Variants in SH3BP2 observed in about 807,000 individuals in gnomAD.
The protein encoded by SH3BP2 is SH3 domain-binding protein 2.
Under a neutral mutation model 56.2 loss-of-function variants are expected in SH3BP2, and 38 were observed. The observed-to-expected ratio is 0.68, with a 90% CI of 0.52 to 0.89. SH3BP2 has a LOEUF of 0.89. SH3BP2 is among the 40% of genes least tolerant of loss of function. SH3BP2 has a pLI of 0.00. For synonymous variants in SH3BP2, 346 were observed against 316.7 expected, an observed-to-expected ratio of 1.09 and a Z score of -0.98; for missense variants, 748 against 762.6, an observed-to-expected ratio of 0.98 and a Z score of 0.23.
chr4:2,820,744 C>G lies in SH3BP2; in HGVS notation c.127C>G (p.Leu43Val), dbSNP rs368574144. 2.2e-5 allele frequency: 35 copies of G among 1,613,440 alleles called. No homozygotes were observed. Among genetic ancestry groups the G allele is most frequent in the Non-Finnish European group, 3.0e-5 (35 of 1,179,636 alleles). Reference sequence around the variant, plus strand: ...CAAGAAGGGCGGTACCCAGCTGCAGCTGCTGAAATGTGAGTCCCTGGGGTG... The same window carrying G: ...CAAGAAGGGCGGTACCCAGCTGCAGGTGCTGAAATGTGAGTCCCTGGGGTG... ...LHKKGGTQLQ[L>V]LKWPLRFVII... The change falls in exon 2 of 13, where the codon CTG becomes GTG. Residue 43 changes from leucine to valine, a missense_variant. Coordinates refer to ENST00000503393, the MANE Select transcript of SH3BP2 (RefSeq NM_001122681.2).
At position 2,831,524 on chromosome 4, in the gene SH3BP2, G is replaced by A. The variant is rs1314107621; in HGVS notation, c.1242-47G>A. The A allele has an allele frequency of 2.7e-5, 39 of 1,446,312 alleles. No individual in the cohort carries two copies. The highest frequency in any genetic ancestry group is 3.9e-5 in the Admixed American group (2 of 51,000). 89.6% of individuals were successfully genotyped at this position (1,446,312 alleles called of 1,614,324 possible). Reference sequence around the variant, plus strand: ...GAGGGGAGCAGAGGGTGGCCGCCCCGTGTCTGACAGTGAAATGGTCCTGCC... The same window carrying A: ...GAGGGGAGCAGAGGGTGGCCGCCCCATGTCTGACAGTGAAATGGTCCTGCC... On this transcript the variant is annotated intron_variant, in intron 8 of 12. Coordinates refer to ENST00000503393, the MANE Select transcript of SH3BP2 (RefSeq NM_001122681.2). The surrounding 1 kb of genome is among the most constrained non-coding windows in gnomAD (Gnocchi z 4.1).
intron 1 of SH3BP2, among the ~76,000 whole-genome samples, chr4:2,819,570 A>G (rs568563878): frequency 6.6e-6 from 1 of 152,288 alleles, no homozygotes; most frequent in East Asian, 1.9e-4. Context: ...GCCTGCTCCC[A>G]TCCAACTCCA....
intron 7 of SH3BP2, among the ~76,000 whole-genome samples, chr4:2,828,825 G>A (rs1356651554): frequency 6.6e-6 from 1 of 152,142 alleles, no homozygotes; most frequent in Non-Finnish European, 1.5e-5. Context: ...CACCAGCCTG[G>A]CGCCTGCCCT....
At chr4:2,803,047 A>G (rs1723376006) in intron 1 of SH3BP2, among the ~76,000 whole-genome samples, 1 of 152,236 alleles carries the variant, frequency 6.6e-6, no homozygotes, top group Non-Finnish European at 1.5e-5. Context: ...CAGGAGCTGC[A>G]TGGTTTTGTG....
At chr4:2,824,757 A>G in intron 4 of SH3BP2, 27 bp downstream of exon 4, 2 of 1,532,572 alleles carry the variant, frequency 1.3e-6, no homozygotes, top group East Asian at 2.2e-5. Context: ...GGACGAGTGC[A>G]AGGTGACTGG....
Position 2,802,404 on chromosome 4 carries a change from ATGTGTGTG to A in SH3BP2, c.-5+9298_-5+9305del, listed in dbSNP as rs1175501543. ...GTGAGACTCTGTCTCAAAAAAATAT[ATGTGTGTG>A]TGTGTGTGTGTGTGTGTGTGTGTGT... On this transcript the variant is annotated intron_variant, in intron 1 of 12. Coordinates refer to ENST00000503393, the MANE Select transcript of SH3BP2 (RefSeq NM_001122681.2). Among the ~76,000 whole-genome samples, 605 of 135,970 alleles carry A rather than the reference ATGTGTGTG, an allele frequency of 4.4e-3. 3 individuals carry two copies. The highest frequency in any genetic ancestry group is 0.014 in the African/African-American group (503 of 34,944). 89.2% of individuals were successfully genotyped at this position (135,970 alleles called of 152,430 possible). A position where few individuals can be genotyped will look rare whatever the true frequency, so the allele number is the denominator to read the frequency against.
chr4:2,818,434 C>G (rs1724111525), intron 1 of SH3BP2: 2 of 1,082,922 alleles, frequency 1.8e-6, no homozygotes, highest in East Asian at 7.5e-5. Flanking sequence ...ACCCGGGCCG[C>G]GAGCTTCCGG....
chr4:2,815,401 C>T (rs1174941796), intron 1 of SH3BP2, among the ~76,000 whole-genome samples: 2 of 152,190 alleles, frequency 1.3e-5, no homozygotes, highest in East Asian at 3.8e-4. Context: ...ATGACCTGTC[C>T]CCCTGCCCAG....
In SH3BP2 at chr4:2,836,393, T is replaced by G. The variant is rs1187030702; in HGVS notation, c.*2559T>G. ...GGGTAGGGTTGGGATTACCATTTACTGACCACATCTGTGAGGTGCCGAGCT... is the reference window on the plus strand; with the variant it reads ...GGGTAGGGTTGGGATTACCATTTACGGACCACATCTGTGAGGTGCCGAGCT... On this transcript the variant is annotated 3_prime_UTR_variant, in exon 13 of 13. Transcript: ENST00000503393. 1 of 152,292 alleles carries G rather than the reference T, an allele frequency of 6.6e-6. No homozygotes were observed. Among genetic ancestry groups the G allele is most frequent in the African/African-American group, 2.4e-5 (1 of 41,476 alleles). The allele number at this position is 152,292 out of a possible 1,614,324, so 9.4% of individuals were successfully genotyped here. A position where few individuals can be genotyped will look rare whatever the true frequency, so the allele number is the denominator to read the frequency against.
chr4:2,795,552 G>A (rs1421468515), intron 1 of SH3BP2, among the ~76,000 whole-genome samples: 4 of 152,226 alleles, frequency 2.6e-5, no homozygotes, highest in Admixed American at 6.5e-5. Context: ...GAGGAGAAGG[G>A]CAGGCTGGCG....
Position 2,805,848 on chromosome 4 carries a change from G to T in SH3BP2, c.-5+12710G>T, listed in dbSNP as rs948676442. 4.1e-4 allele frequency among the ~76,000 whole-genome samples: 62 copies of T among 152,274 alleles called. 1 individual carries two copies. The highest frequency in any genetic ancestry group is 1.5e-3 in the African/African-American group (62 of 41,558). ...AGGAGGTGGAGAGGGTGGCGTTCCA[G>T]GTGGAGGGCACTGCTGCTGCCAAGG... On this transcript the variant is annotated intron_variant, in intron 1 of 12. Transcript: ENST00000503393.
chr4:2,818,199 G>C (rs1479956082), intron 1 of SH3BP2: 1 of 987,730 alleles, frequency 1.0e-6, no homozygotes, highest in Non-Finnish European at 1.2e-6. Context: ...AGGAGCCGGC[G>C]GCTGCCAGGC....
At chr4:2,812,373 C>T (rs1723783476) in intron 1 of SH3BP2, 1 of 1,550,120 alleles carries the variant, frequency 6.5e-7, no homozygotes. Flanking sequence ...ATGTAGGCTG[C>T]CTGGGCTGGT....
rs1037903911 is a variant in SH3BP2 at position 2,818,970 on chromosome 4, A to G, written c.-4-1644A>G. ...AATTTTTTAATTTTAGCTCCAGCTC[A>G]GTTGCCCAGACTGGAGAGCAGTGGC... On this transcript the variant is annotated intron_variant, in intron 1 of 12. Transcript: ENST00000503393. The G allele has an allele frequency of 7.7e-6, 7 of 904,978 alleles. No homozygotes were observed. The African/African-American group carries it at 1.3e-4, about 16-fold the overall frequency. The allele number at this position is 904,978 out of a possible 1,614,324, so 56.1% of individuals were successfully genotyped here. A position where few individuals can be genotyped will look rare whatever the true frequency, so the allele number is the denominator to read the frequency against.
At chr4:2,812,508 G>A (rs1227112280) in intron 1 of SH3BP2, 7 of 1,543,584 alleles carry the variant, frequency 4.5e-6, no homozygotes, top group Middle Eastern at 1.7e-4. Context: ...ACTGGGGCTC[G>A]GGAGGCGGCA....
chr4:2,795,634 C>A (rs754099294), intron 1 of SH3BP2, among the ~76,000 whole-genome samples: 3 of 152,328 alleles, frequency 2.0e-5, no homozygotes, highest in Non-Finnish European at 4.4e-5. Flanking sequence ...GCTCCCACCC[C>A]TCGGGCCAAT....
At position 2,810,352 on chromosome 4, in the gene SH3BP2, G is replaced by A. The variant is rs1448135456; in HGVS notation, c.-4-10262G>A. ...CATCACAGCATTGGACCAGGGCTGT[G>A]GGGGGAATGGGCCTGGGCCAGGGTC... On this transcript the variant is annotated intron_variant, in intron 1 of 12. Transcript: ENST00000503393. The surrounding 1 kb of genome is among the most constrained non-coding windows in gnomAD (Gnocchi z 4.2). 6.6e-6 allele frequency among the ~76,000 whole-genome samples: 1 copy of A among 151,638 alleles called. No homozygotes were observed. The highest frequency in any genetic ancestry group is 1.5e-5 in the Non-Finnish European group (1 of 67,904).
chr4:2,833,136 C>G, intron 12 of SH3BP2, 87 bp downstream of exon 12: 1 of 1,232,334 alleles, frequency 8.1e-7, no homozygotes, highest in South Asian at 1.2e-5. Flanking sequence ...GCATAGGCAG[C>G]GGGTAGACTG....
chr4:2,802,585 T>C (rs1185899974), intron 1 of SH3BP2, among the ~76,000 whole-genome samples: 1 of 147,404 alleles, frequency 6.8e-6, no homozygotes, highest in Non-Finnish European at 1.5e-5. Flanking sequence ...TATATGTATA[T>C]ATATGTTTGT....
Sources: gnomAD v4.1 joint callset for allele counts (sites outside exome capture counted in the v4.1 genomes callset) on GRCh38, gnomAD v4.1.1 for gene constraint, Gnocchi (gnomAD v3.1) non-coding constraint, MANE v1.5 for transcripts, NCBI Gene and HGNC (gene_info 2026-07-23, HGNC 2026-07-21) for gene names.